DNAJC1: variants seen among roughly 807,000 people sequenced by gnomAD.
DNAJC1 encodes the protein DnaJ heat shock protein family (Hsp40) member C1, also known as dnaJ homolog subfamily C member 1.
DNAJC1 carries 58 observed loss-of-function variants against 76.6 expected under a neutral mutation model. That is an observed-to-expected ratio of 0.76 (90% CI 0.61 to 0.94). The LOEUF (loss-of-function observed/expected upper bound fraction) is 0.94. Among genes scored for constraint, DNAJC1 ranks in the 40% least tolerant of loss-of-function variants. The probability of loss-of-function intolerance (pLI) is 0.00; values close to 1 mark genes in which losing one functional copy is unlikely to be tolerated. For missense variants in DNAJC1, 689 were observed against 677.3 expected (o/e 1.02, Z -0.19); for synonymous variants, 258 against 267.9 (o/e 0.96, Z 0.36).
Position 21,872,686 on chromosome 10 carries a change from A to G in DNAJC1, c.978+9596T>C, listed in dbSNP as rs534898993. Among the ~76,000 whole-genome samples, 108 of 152,338 alleles carry G rather than the reference A, an allele frequency of 7.1e-4. 1 individual carries two copies. Among genetic ancestry groups the G allele is most frequent in the African/African-American group, 2.5e-3 (106 of 41,586 alleles). Reference sequence around the variant, plus strand: ...TAAATCTTCAGAAACATCATTAAGCATATCAATATATGAACAATGGAAGTG... The same window carrying G: ...TAAATCTTCAGAAACATCATTAAGCGTATCAATATATGAACAATGGAAGTG... On this transcript the variant is annotated intron_variant, in intron 8 of 11. Coordinates refer to ENST00000376980, the MANE Select transcript of DNAJC1 (RefSeq NM_022365.4).
chr10:22,003,447 G>C lies in DNAJC1; in HGVS notation c.-13C>G. On this transcript the variant is annotated 5_prime_UTR_variant, in exon 1 of 12. Transcript: ENST00000376980. ...AAGGAGCCGTCATCGCGCTGGGCTC[G>C]GAAAGGTCACCCGCCGCGCAGCTCC... 7.4e-7 allele frequency: 1 copy of C among 1,355,128 alleles called. No individual in the cohort carries two copies. The highest frequency in any genetic ancestry group is 9.4e-7 in the Non-Finnish European group (1 of 1,059,046). The allele number at this position is 1,355,128 out of a possible 1,614,324, so 83.9% of individuals were successfully genotyped here. A position where few individuals can be genotyped will look rare whatever the true frequency, so the allele number is the denominator to read the frequency against.
chr10:21,766,004 C>T (rs1834296184), intron 10 of DNAJC1, among the ~76,000 whole-genome samples: 1 of 152,124 alleles, frequency 6.6e-6, no homozygotes, highest in African/African-American at 2.4e-5. Context: ...TTCCCCGTCC[C>T]CACAAATTAA....
intron 9 of DNAJC1, among the ~76,000 whole-genome samples, chr10:21,774,097 C>T (rs1361509100): frequency 7.5e-5 from 11 of 146,120 alleles, no homozygotes; most frequent in South Asian, 6.6e-4. Flanking sequence ...GCCGAGATCC[C>T]GCCACTGCAC....
chr10:21,796,382 G>A (rs2131637113), intron 9 of DNAJC1, among the ~76,000 whole-genome samples: 1 of 152,248 alleles, frequency 6.6e-6, no homozygotes, highest in Middle Eastern at 3.4e-3. Context: ...TGGCTACTGT[G>A]CATAATGGTG....
At chr10:21,779,894 C>A (rs995491455) in intron 9 of DNAJC1, among the ~76,000 whole-genome samples, 5 of 152,070 alleles carry the variant, frequency 3.3e-5, no homozygotes, top group Admixed American at 6.6e-5. Flanking sequence ...GTAGAGAAGA[C>A]CTTCAATGAC....
At chr10:21,941,100 A>C (rs1425374675) in intron 1 of DNAJC1, among the ~76,000 whole-genome samples, 1 of 146,276 alleles carries the variant, frequency 6.8e-6, no homozygotes, top group Admixed American at 6.7e-5. Flanking sequence ...AAATACAAAA[A>C]AAAAAAAAAA....
intron 8 of DNAJC1, among the ~76,000 whole-genome samples, chr10:21,857,685 G>A (rs1034197661): frequency 4.6e-5 from 7 of 151,962 alleles, no homozygotes; most frequent in Non-Finnish European, 1.0e-4. Context: ...GTGAAACCCC[G>A]TCTCTATTAA....
intron 1 of DNAJC1, among the ~76,000 whole-genome samples, chr10:21,952,322 A>G (rs1564836696): frequency 6.6e-6 from 1 of 152,222 alleles, no homozygotes; most frequent in Admixed American, 6.5e-5. Flanking sequence ...AAGGCTTCCA[A>G]TATTTTGAGT....
At chr10:21,790,911 T>C (rs764776748) in intron 9 of DNAJC1, among the ~76,000 whole-genome samples, 2 of 152,130 alleles carry the variant, frequency 1.3e-5, no homozygotes, top group African/African-American at 2.4e-5. Context: ...AATTCTTCAC[T>C]TAAAAGATAT....
chr10:21,976,186 C>T (rs1838059378), intron 1 of DNAJC1, among the ~76,000 whole-genome samples: 1 of 152,098 alleles, frequency 6.6e-6, no homozygotes, highest in Non-Finnish European at 1.5e-5. Context: ...CTTCCTGATT[C>T]CAAAATACAG....
chr10:21,924,153 T>C (rs923077045), intron 3 of DNAJC1, among the ~76,000 whole-genome samples: 6 of 152,020 alleles, frequency 3.9e-5, no homozygotes, highest in African/African-American at 1.4e-4. Flanking sequence ...AAAATATATA[T>C]ATGCCAAAAA....
At chr10:21,967,167 TCA>T (rs1396639889) in intron 1 of DNAJC1, among the ~76,000 whole-genome samples, 1 of 152,178 alleles carries the variant, frequency 6.6e-6, no homozygotes, top group African/African-American at 2.4e-5. Flanking sequence ...AATACTTTCA[TCA>T]CTCCAAAAGT....
At chr10:21,926,395 T>C (rs1256306106) in intron 3 of DNAJC1, among the ~76,000 whole-genome samples, 1 of 151,868 alleles carries the variant, frequency 6.6e-6, no homozygotes, top group Non-Finnish European at 1.5e-5. Context: ...GGGAAATAAA[T>C]AGGAAACATG....
chr10:21,792,836 G>GT (rs1834708543), intron 9 of DNAJC1, among the ~76,000 whole-genome samples: 1 of 151,564 alleles, frequency 6.6e-6, no homozygotes, highest in African/African-American at 2.4e-5. Context: ...AAGTGGGAAT[G>GT]TAAGGTTGGT....
intron 1 of DNAJC1, among the ~76,000 whole-genome samples, chr10:21,975,504 A>C (rs1260588420): frequency 6.6e-6 from 1 of 152,180 alleles, no homozygotes; most frequent in Admixed American, 6.5e-5. Context: ...TCAACTGTAT[A>C]AATAAAAGGG....
intron 7 of DNAJC1, among the ~76,000 whole-genome samples, chr10:21,901,667 T>C (rs1836656891): frequency 6.6e-6 from 1 of 152,178 alleles, no homozygotes; most frequent in South Asian, 2.1e-4. Context: ...CTACTCAAAG[T>C]AGTTCTGGTG....
In DNAJC1 at chr10:22,003,290, C is replaced by G; in HGVS notation, c.145G>C (p.Glu49Gln). 1 of 1,536,048 alleles carries G rather than the reference C, an allele frequency of 6.5e-7. No homozygotes were observed. Among genetic ancestry groups the G allele is most frequent in the Non-Finnish European group, 8.7e-7 (1 of 1,143,140 alleles). Reference sequence around the variant, plus strand: ...TCAAACAACTCCAGGTCTCCGCTCTCCCAGCCGCGCGCCGGCGCCACGGCG... The same window carrying G: ...TCAAACAACTCCAGGTCTCCGCTCTGCCAGCCGCGCGCCGGCGCCACGGCG... ...LAAVAPARGW[E>Q]SGDLELFDLV... The change falls in exon 1 of 12, where the codon GAG (glutamate) becomes CAG (glutamine). Residue 49 changes from glutamate to glutamine, a missense_variant. Glu to Gln is a conservative substitution (Grantham distance 29, BLOSUM62 2). Transcript: ENST00000376980.
chr10:21,778,214 G>T (rs1170555619), intron 9 of DNAJC1, among the ~76,000 whole-genome samples: 1 of 152,058 alleles, frequency 6.6e-6, no homozygotes, highest in African/African-American at 2.4e-5. Flanking sequence ...AAAAAATGCT[G>T]ATATTACAGA....
chr10:21,765,226 AT>A (rs1279890008), intron 10 of DNAJC1, among the ~76,000 whole-genome samples: 2 of 151,636 alleles, frequency 1.3e-5, no homozygotes, highest in Admixed American at 6.6e-5. Context: ...TTTTAAAAAA[AT>A]TTTTTTTTAC....
Sources: allele counts gnomAD v4.1 joint callset (sites outside exome capture counted in the v4.1 genomes callset), GRCh38; gene constraint gnomAD v4.1.1; transcripts MANE v1.5; gene names NCBI Gene and HGNC (gene_info 2026-07-23, HGNC 2026-07-21).